Variants in CNTN5 observed in about 807,000 individuals in gnomAD.
CNTN5 encodes contactin 5.
In CNTN5, 77 loss-of-function variants were observed where a neutral mutation model predicts 129.1. The ratio of observed to expected loss-of-function variants is 0.60; its 90% CI spans 0.50 to 0.72. CNTN5 has a LOEUF of 0.72. Among genes scored for constraint, CNTN5 ranks in the 30% least tolerant of loss-of-function variants. The pLI is 0.00. For synonymous variants in CNTN5, 509 were observed against 465.6 expected, an observed-to-expected ratio of 1.09 and a Z score of -1.20; for missense variants, 1,478 against 1,328.8, an observed-to-expected ratio of 1.11 and a Z score of -1.75.
chr11:99,568,682 A>G (rs1949082141), intron 3 of CNTN5, among the ~76,000 whole-genome samples: 1 of 152,244 alleles, frequency 6.6e-6, no homozygotes, highest in Non-Finnish European at 1.5e-5. Context: ...CAAATTTTAT[A>G]GTTTTATCAG....
At chr11:99,538,926 T>C (rs1225674079) in intron 2 of CNTN5, among the ~76,000 whole-genome samples, 1 of 152,122 alleles carries the variant, frequency 6.6e-6, no homozygotes, top group Non-Finnish European at 1.5e-5. Flanking sequence ...AGAGAAAGAT[T>C]TATTTTACTT....
At chr11:100,147,088 T>C (rs975125713) in intron 13 of CNTN5, among the ~76,000 whole-genome samples, 1 of 152,094 alleles carries the variant, frequency 6.6e-6, no homozygotes, top group East Asian at 1.9e-4. Context: ...ATAAAGTCCA[T>C]ACTCTTTAGC....
rs71046675 is a variant in CNTN5, at chr11:99,284,600, G to GGT, written c.-209-40686_-209-40685dup. 8.4e-3 allele frequency among the ~76,000 whole-genome samples: 1,048 copies of GGT among 124,712 alleles called. 11 individuals carry two copies. Among genetic ancestry groups the GGT allele is most frequent in the Admixed American group, 0.031 (364 of 11,820 alleles). The allele number at this position is 124,712 out of a possible 152,430, so 81.8% of individuals were successfully genotyped here. A position where few individuals can be genotyped will look rare whatever the true frequency, so the allele number is the denominator to read the frequency against. The stretch of plus-strand genomic sequence containing the variant: ...AGAACTGTTTACCCCAGAGATGAGT[G>GGT]GTGTGTGTGTGTGTGTGTGTGTGTG... On this transcript the variant is annotated intron_variant, in intron 1 of 24. Coordinates refer to ENST00000524871, the MANE Select transcript of CNTN5 (RefSeq NM_014361.4).
chr11:100,002,855 T>C (rs1458856058), intron 9 of CNTN5, among the ~76,000 whole-genome samples: 1 of 151,932 alleles, frequency 6.6e-6, no homozygotes, highest in Non-Finnish European at 1.5e-5. Context: ...TTTTCTTTTT[T>C]TTTAGGATGC....
intron 9 of CNTN5, among the ~76,000 whole-genome samples, chr11:100,019,744 A>G (rs1941027859): frequency 6.6e-6 from 1 of 151,880 alleles, no homozygotes; most frequent in African/African-American, 2.4e-5. Flanking sequence ...TTTTATTTTT[A>G]GTTTTTGAGA....
intron 7 of CNTN5, among the ~76,000 whole-genome samples, chr11:99,925,875 G>A (rs1950050477): frequency 6.6e-6 from 1 of 151,990 alleles, no homozygotes; most frequent in Admixed American, 6.6e-5. Context: ...CTATGATGAA[G>A]GAATACCAGA....
At position 100,350,890 on chromosome 11, in the gene CNTN5, A is replaced by G. The variant is rs531108074; in HGVS notation, c.3199+20A>G. 1.3e-6 allele frequency: 2 copies of G among 1,523,420 alleles called. No homozygotes were observed. Among genetic ancestry groups the G allele is most frequent in the Admixed American group, 2.0e-5 (1 of 50,758 alleles). 94.4% of individuals were successfully genotyped at this position (1,523,420 alleles called of 1,614,324 possible). On this transcript the variant is annotated intron_variant, in intron 24 of 24. Coordinates refer to ENST00000524871, the MANE Select transcript of CNTN5 (RefSeq NM_014361.4). ...ATTCAGGTAAGTTTTGACACAGTAG[A>G]TTTAATTTGCTGACAACCAACAATT...
intron 4 of CNTN5, among the ~76,000 whole-genome samples, chr11:99,843,760 A>C (rs1947590713): frequency 6.6e-6 from 1 of 152,190 alleles, no homozygotes; most frequent in African/African-American, 2.4e-5. Context: ...GCCCCGCCTC[A>C]ACAGAAAGAT....
intron 7 of CNTN5, among the ~76,000 whole-genome samples, chr11:99,920,038 G>A (rs1372025666): frequency 6.6e-6 from 1 of 152,046 alleles, no homozygotes; most frequent in African/African-American, 2.4e-5. Flanking sequence ...TTACTGGGCA[G>A]AATCTGAGAT....
At chr11:100,092,734 A>T (rs1944838738) in intron 13 of CNTN5, among the ~76,000 whole-genome samples, 1 of 152,122 alleles carries the variant, frequency 6.6e-6, no homozygotes, top group Admixed American at 6.6e-5. Context: ...ATCAATGCTT[A>T]AAATTTTATG....
At chr11:100,285,581 G>A (rs911303432) in intron 18 of CNTN5, among the ~76,000 whole-genome samples, 1 of 152,168 alleles carries the variant, frequency 6.6e-6, no homozygotes, top group South Asian at 2.1e-4. Context: ...AAGGAGTAGA[G>A]GAAAAGAAGT....
intron 18 of CNTN5, among the ~76,000 whole-genome samples, chr11:100,273,738 C>T (rs776931646): frequency 2.0e-5 from 3 of 152,140 alleles, no homozygotes; most frequent in Admixed American, 1.3e-4. Context: ...GACAGGCACC[C>T]AGGAACCCGC....
At chr11:99,495,861 C>G (rs890260854) in intron 2 of CNTN5, among the ~76,000 whole-genome samples, 6 of 151,916 alleles carry the variant, frequency 3.9e-5, no homozygotes, top group Non-Finnish European at 7.4e-5. Flanking sequence ...GAAGATAAAA[C>G]CAATATAATA....
intron 9 of CNTN5, among the ~76,000 whole-genome samples, chr11:100,058,428 G>T (rs1565836889): frequency 6.6e-6 from 1 of 152,034 alleles, no homozygotes; most frequent in Non-Finnish European, 1.5e-5. Flanking sequence ...AACAAACCAT[G>T]AACTCACCAA....
At chr11:99,403,090 T>G (rs1329641768) in intron 2 of CNTN5, among the ~76,000 whole-genome samples, 1 of 150,218 alleles carries the variant, frequency 6.7e-6, no homozygotes, top group East Asian at 2.0e-4. Flanking sequence ...CACTGCAAGC[T>G]CCACCTCCCG....
At chr11:99,643,974 C>A (rs1293788864) in intron 3 of CNTN5, among the ~76,000 whole-genome samples, 7 of 152,032 alleles carry the variant, frequency 4.6e-5, no homozygotes, top group Non-Finnish European at 1.0e-4. Flanking sequence ...ATGTCCCATG[C>A]AAAGCCCATA....
intron 2 of CNTN5, among the ~76,000 whole-genome samples, chr11:99,371,373 A>G (rs1939812102): frequency 6.6e-6 from 1 of 152,040 alleles, no homozygotes; most frequent in Non-Finnish European, 1.5e-5. Context: ...ACATATGTGT[A>G]CTTGTGTGTA....
intron 3 of CNTN5, among the ~76,000 whole-genome samples, chr11:99,608,756 G>C (rs896411446): frequency 3.3e-5 from 5 of 152,102 alleles, no homozygotes; most frequent in African/African-American, 1.2e-4. Flanking sequence ...GCTATTACAG[G>C]CAGTAAACTT....
intron 2 of CNTN5, among the ~76,000 whole-genome samples, chr11:99,406,738 C>A (rs931561227): frequency 7.2e-5 from 11 of 152,326 alleles, no homozygotes; most frequent in African/African-American, 2.2e-4. Context: ...TTCTGTTGTA[C>A]TGCAGCTGAT....
Sources: gnomAD v4.1 joint callset for allele counts (sites outside exome capture counted in the v4.1 genomes callset) on GRCh38, gnomAD v4.1.1 for gene constraint, MANE v1.5 for transcripts, NCBI Gene and HGNC (gene_info 2026-07-23, HGNC 2026-07-21) for gene names.